The following BTNL9 variants were observed in gnomAD, a reference collection of about 807,000 sequenced individuals.
BTNL9 encodes the protein butyrophilin-like protein 9.
Under a neutral mutation model 45.8 loss-of-function variants are expected in BTNL9, and 45 were observed. The ratio of observed to expected loss-of-function variants is 0.98; its 90% CI spans 0.77 to 1.26. The LOEUF (loss-of-function observed/expected upper bound fraction) is 1.26. BTNL9 is among the 50% of genes most tolerant of loss of function. The pLI, the probability that BTNL9 is intolerant of heterozygous loss-of-function variation, is 0.00. For synonymous variants in BTNL9, 346 were observed against 330.8 expected (o/e 1.05, Z -0.50); for missense variants, 784 against 729.7 (o/e 1.07, Z -0.86).
chr5:181,052,588 C>T (rs539333462), intron 4 of BTNL9, among the ~76,000 whole-genome samples: 1 of 152,340 alleles, frequency 6.6e-6, no homozygotes, highest in African/African-American at 2.4e-5. Flanking sequence ...TATTCAACCG[C>T]CACAGGGTTT....
At chr5:181,054,748 G>T (rs1458378334) in intron 7 of BTNL9, 3 of 985,134 alleles carry the variant, frequency 3.0e-6, no homozygotes, top group Non-Finnish European at 3.6e-6. Context: ...TGGTGTTGGG[G>T]TTGGGGGGGC....
chr5:181,058,467 GGCTTTATAGGA>G, intron 10 of BTNL9, 89 bp downstream of exon 10: 1 of 1,581,634 alleles, frequency 6.3e-7, no homozygotes, highest in Non-Finnish European at 8.7e-7. Context: ...TAGAGGACGG[GGCTTTATAGGA>G]GCCAAGTATG....
chr5:181,048,770 G>C (rs1392955747), intron 3 of BTNL9, among the ~76,000 whole-genome samples: 6 of 40,000 alleles, frequency 1.5e-4, no homozygotes, highest in Non-Finnish European at 3.4e-4. Context: ...GATATATATA[G>C]TATGCTATAT....
At position 181,053,031 on chromosome 5, in the gene BTNL9, G is replaced by A. The variant is rs868602582; in HGVS notation, c.737-169G>A. On this transcript the variant is annotated intron_variant, in intron 4 of 10. Coordinates refer to ENST00000327705, the MANE Select transcript of BTNL9 (RefSeq NM_152547.5). This position sits in a 1 kb window ranked among gnomAD's most constrained non-coding sequence, Gnocchi z 6.5. Reference sequence around the variant, plus strand: ...CGCCCCCTCCGCCGCGCGCGCCCCCGCCCCCTCCGCCGCGCGCGCTCCCGC... The same window carrying A: ...CGCCCCCTCCGCCGCGCGCGCCCCCACCCCCTCCGCCGCGCGCGCTCCCGC... 3.4e-4 allele frequency: 75 copies of A among 221,514 alleles called. 3 individuals carry two copies. The South Asian group carries it at 5.3e-3, about 16-fold the overall frequency. The allele number at this position is 221,514 out of a possible 1,614,324, so 13.7% of individuals were successfully genotyped here.
At chr5:181,051,454 G>A (rs1394690877) in intron 4 of BTNL9, among the ~76,000 whole-genome samples, 1 of 152,190 alleles carries the variant, frequency 6.6e-6, no homozygotes, top group African/African-American at 2.4e-5. Context: ...TCTGCAAGTA[G>A]GAGGACCTGG....
Position 181,048,076 on chromosome 5 carries a change from C to A in BTNL9, c.259C>A (p.Gln87Lys), listed in dbSNP as rs1174402799. ...GACCTTCAATGTGGTACACCTGTAC[C>A]AGGAGCAGCAGGAGCTCCCTGGCAG... ...SQTFNVVHLYQEQQELPGRQM... is the reference protein window; with the variant it reads ...SQTFNVVHLYKEQQELPGRQM... The change falls in exon 3 of 11, where the codon CAG becomes AAG. Residue 87 changes from glutamine (Q) to lysine (K), a missense_variant. Coordinates refer to ENST00000327705, the MANE Select transcript of BTNL9 (RefSeq NM_152547.5). 2 of 1,613,492 alleles carry A rather than the reference C, an allele frequency of 1.2e-6. No individual in the cohort carries two copies. Among genetic ancestry groups the A allele is most frequent in the African/African-American group, 2.7e-5 (2 of 74,918 alleles).
chr5:181,045,663 G>C lies in BTNL9; in HGVS notation c.109+65G>C, dbSNP rs997081979. On this transcript the variant is annotated intron_variant, in intron 2 of 10. Transcript: ENST00000327705. ...CACCCCTCCTGCCAGGTGCTCCCCAGGGCTACGATCTTAGCACAGTACCAG... is the reference window on the plus strand; with the variant it reads ...CACCCCTCCTGCCAGGTGCTCCCCACGGCTACGATCTTAGCACAGTACCAG... 1.3e-5 allele frequency: 17 copies of C among 1,296,602 alleles called. No homozygotes were observed. The African/African-American group carries it at 2.5e-4, about 19-fold the overall frequency. 80.3% of individuals were successfully genotyped at this position (1,296,602 alleles called of 1,614,324 possible). A position where few individuals can be genotyped will look rare whatever the true frequency, so the allele number is the denominator to read the frequency against.
intron 6 of BTNL9, 36 bp from the exon 7 acceptor site, chr5:181,054,203 C>T (rs991638175): frequency 1.2e-6 from 2 of 1,613,238 alleles, no homozygotes; most frequent in Admixed American, 1.7e-5. Flanking sequence ...AGAGTCTTTC[C>T]CCTTTTCTTC....
rs975504021 is a variant in BTNL9 at position 181,055,164 on chromosome 5, G to A, written c.908-269G>A. On this transcript the variant is annotated intron_variant, in intron 7 of 10. Transcript: ENST00000327705. This position sits in a 1 kb window ranked among gnomAD's most constrained non-coding sequence, Gnocchi z 4.4. ...GAAGGAACAACCCCAACCCTGGGAA[G>A]AGGCCTGTCAGTACTAAGATCTGGT... 1 of 1,274,304 alleles carries A rather than the reference G, an allele frequency of 7.8e-7. No individual in the cohort carries two copies. The highest frequency in any genetic ancestry group is 1.5e-5 in the African/African-American group (1 of 65,492). The allele number at this position is 1,274,304 out of a possible 1,614,324, so 78.9% of individuals were successfully genotyped here.
At chr5:181,056,714 G>A (rs532209499) in intron 9 of BTNL9, 1 of 658,196 alleles carries the variant, frequency 1.5e-6, no homozygotes, top group South Asian at 1.7e-5. Flanking sequence ...GTCCACTAAG[G>A]GGATAGTGGG....
chr5:181,060,115 G>A lies in BTNL9; in HGVS notation c.*253G>A, dbSNP rs1175234810. The A allele has an allele frequency of 8.6e-6, 4 of 465,788 alleles. No individual in the cohort carries two copies. The highest frequency in any genetic ancestry group is 2.0e-5 in the African/African-American group (1 of 50,652). 28.9% of individuals were successfully genotyped at this position (465,788 alleles called of 1,614,324 possible). A position where few individuals can be genotyped will look rare whatever the true frequency, so the allele number is the denominator to read the frequency against. On this transcript the variant is annotated 3_prime_UTR_variant, in exon 11 of 11. Transcript: ENST00000327705. ...AGTACAAATATATCCACGTCGCTCA[G>A]AGCTGGGGTGCTCACGGTGGGCGGT...
At chr5:181,058,820 A>G (rs76761098) in intron 10 of BTNL9, among the ~76,000 whole-genome samples, 16,505 of 151,396 alleles carry the variant, frequency 0.11, 934 homozygotes, top group Middle Eastern at 0.16. Flanking sequence ...TATGTAAAAA[A>G]AAAAAAAAAA....
In BTNL9 at chr5:181,047,979, G is replaced by A. The variant is rs1261370319; in HGVS notation, c.162G>A (p.Glu54=). The A allele has an allele frequency of 6.2e-7, 1 of 1,613,882 alleles. No homozygotes were observed. The highest frequency in any genetic ancestry group is 1.7e-5 in the Admixed American group (1 of 60,018). Residue 54 remains glutamate, a synonymous_variant, in exon 3 of 11, where the codon GAG becomes GAA. Transcript: ENST00000327705. ...CCATCCTGGCCCTCGTCGGGGAGGA[G>A]GTGGAGTTCCCGTGCCACCTATGGC... ...EYPILALVGE[E]VEFPCHLWPQ...
At chr5:181,040,759 C>G (rs1202008319) in intron 1 of BTNL9, among the ~76,000 whole-genome samples, 1 of 152,112 alleles carries the variant, frequency 6.6e-6, no homozygotes, top group Non-Finnish European at 1.5e-5. Context: ...GTGGACCTAT[C>G]GAAATCAAAC....
chr5:181,045,175 G>A (rs983173841), intron 1 of BTNL9, among the ~76,000 whole-genome samples: 1 of 152,162 alleles, frequency 6.6e-6, no homozygotes, highest in African/African-American at 2.4e-5. Flanking sequence ...TCTATTCCTG[G>A]CTCTAAACAA....
intron 1 of BTNL9, among the ~76,000 whole-genome samples, chr5:181,044,163 G>A (rs910101423): frequency 5.3e-5 from 8 of 152,234 alleles, no homozygotes; most frequent in Non-Finnish European, 7.4e-5. Flanking sequence ...GGGTCCCTGG[G>A]GAGCCTCTAC....
In BTNL9 at chr5:181,053,277, C is replaced by A; in HGVS notation, c.814C>A (p.Leu272Met). Residue 272 changes from leucine to methionine, a missense_variant, in exon 5 of 11, where the codon CTG becomes ATG. Transcript: ENST00000327705. The surrounding 1 kb of genome is among the most constrained non-coding windows in gnomAD (Gnocchi z 6.5). The part of the protein sequence containing the change: ...TLPLLLVLAA[L>M]ALGVLRKQRR... ...GCCGCTGCTGTTGGTCCTCGCGGCG[C>A]TGGCGCTGGGCGTCCTCCGGAAGCA... 6.3e-7 allele frequency: 1 copy of A among 1,585,174 alleles called. No homozygotes were observed. Among genetic ancestry groups the A allele is most frequent in the Non-Finnish European group, 8.6e-7 (1 of 1,167,274 alleles).
At position 181,059,465 on chromosome 5, in the gene BTNL9, CG is replaced by C; in HGVS notation, c.1213del (p.Val405CysfsTer9). ...TGGTTCCTGGGCGCCTGCCTGGCCG[CG>C]GTGCCGCGCGCGGGGCCTGCGCGCC... Reference protein sequence around the residue: ...SRWFLGACLAAVPRAGPARLS... With the variant: ...SRWFLGACLAXVPRAGPARLS... On this transcript the variant is annotated frameshift_variant, in exon 11 of 11. Coordinates refer to ENST00000327705, the MANE Select transcript of BTNL9 (RefSeq NM_152547.5). LOFTEE classifies it low-confidence loss of function (END_TRUNC). 6.9e-7 allele frequency: 1 copy of C among 1,443,480 alleles called. No homozygotes were observed. Among genetic ancestry groups the C allele is most frequent in the Non-Finnish European group, 9.0e-7 (1 of 1,105,602 alleles). The allele number at this position is 1,443,480 out of a possible 1,614,324, so 89.4% of individuals were successfully genotyped here.
At chr5:181,057,847 T>C (rs1761961991) in intron 9 of BTNL9, among the ~76,000 whole-genome samples, 1 of 152,236 alleles carries the variant, frequency 6.6e-6, no homozygotes, top group Non-Finnish European at 1.5e-5. Flanking sequence ...GCTTTTGCTT[T>C]TGTGACTTGG....
Sources: gnomAD v4.1 joint callset for allele counts (sites outside exome capture counted in the v4.1 genomes callset) on GRCh38, gnomAD v4.1.1 for gene constraint, Gnocchi (gnomAD v3.1) non-coding constraint, MANE v1.5 for transcripts, NCBI Gene and HGNC (gene_info 2026-07-23, HGNC 2026-07-21) for gene names.